The following RANBP17 variants were observed in gnomAD, a reference collection of about 807,000 sequenced individuals.
The protein encoded by RANBP17 is ran-binding protein 17.
Under a neutral mutation model 141.2 loss-of-function variants are expected in RANBP17, and 158 were observed. That is an observed-to-expected ratio of 1.12 (90% CI 0.98 to 1.28). The LOEUF (loss-of-function observed/expected upper bound fraction) is 1.28. RANBP17 is among the 50% of genes most tolerant of loss of function. RANBP17 has a pLI of 0.00. For missense variants in RANBP17, 1,438 were observed against 1,290.7 expected, an observed-to-expected ratio of 1.11 and a Z score of -1.75; for synonymous variants, 430 against 450.0, an observed-to-expected ratio of 0.96 and a Z score of 0.56.
chr5:171,138,581 T>G (rs1757475278), intron 14 of RANBP17, among the ~76,000 whole-genome samples: 1 of 150,154 alleles, frequency 6.7e-6, no homozygotes, highest in Admixed American at 6.6e-5. Context: ...TCCTTCATAG[T>G]GCAGGCTTAG....
chr5:171,137,660 A>C (rs926590175), intron 14 of RANBP17, among the ~76,000 whole-genome samples: 2 of 150,792 alleles, frequency 1.3e-5, no homozygotes, highest in Non-Finnish European at 3.0e-5. Flanking sequence ...TTGATAAACT[A>C]TAAAATAATC....
At chr5:171,253,067 A>G (rs1487914639) in intron 24 of RANBP17, 12 of 847,602 alleles carry the variant, frequency 1.4e-5, no homozygotes, top group Non-Finnish European at 2.0e-5. Flanking sequence ...CTGATTTTTC[A>G]AGAAAAGAGA....
intron 14 of RANBP17, among the ~76,000 whole-genome samples, chr5:171,095,153 T>C (rs1422385263): frequency 6.6e-6 from 1 of 152,230 alleles, no homozygotes. Context: ...TATTCTGTTA[T>C]AGCAACAGAA....
intron 27 of RANBP17, 101 bp from the exon 28 acceptor site, chr5:171,298,661 G>A (rs575361268): frequency 4.0e-6 from 3 of 756,232 alleles, no homozygotes; most frequent in Middle Eastern, 4.8e-4. Context: ...TCCAGGAGGG[G>A]GCTCCCCAAA....
At position 170,968,949 on chromosome 5, in the gene RANBP17, A is replaced by G. The variant is rs528242750; in HGVS notation, c.1710+572A>G. 2.6e-5 allele frequency among the ~76,000 whole-genome samples: 4 copies of G among 152,010 alleles called. No homozygotes were observed. The South Asian group carries it at 8.3e-4, about 32-fold the overall frequency. ...AAGGGCATTTATGTGAAACCTAAGCAGATATTTAGTAGCATTAGATACTGA... is the reference window on the plus strand; with the variant it reads ...AAGGGCATTTATGTGAAACCTAAGCGGATATTTAGTAGCATTAGATACTGA... On this transcript the variant is annotated intron_variant, in intron 14 of 27. Transcript: ENST00000523189.
chr5:170,959,267 T>A (rs546771482), intron 13 of RANBP17, among the ~76,000 whole-genome samples: 1 of 152,308 alleles, frequency 6.6e-6, no homozygotes, highest in South Asian at 2.1e-4. Flanking sequence ...ATAAATAACT[T>A]CAGCTGCTTT....
In RANBP17 at chr5:171,015,340, T is replaced by C. The variant is rs560563129; in HGVS notation, c.1710+46963T>C. ...AACAGCTTGCTGATGTCTTTGTTTC[T>C]GTATGTACTTTACTTTGGATAATTT... On this transcript the variant is annotated intron_variant, in intron 14 of 27. Coordinates refer to ENST00000523189, the MANE Select transcript of RANBP17 (RefSeq NM_022897.5). 5.9e-5 allele frequency among the ~76,000 whole-genome samples: 9 copies of C among 152,262 alleles called. No individual in the cohort carries two copies. The South Asian group carries it at 8.3e-4, about 14-fold the overall frequency.
chr5:170,971,529 C>T (rs74836214), intron 14 of RANBP17, among the ~76,000 whole-genome samples: 4,039 of 152,244 alleles, frequency 0.027, 174 homozygotes, highest in African/African-American at 0.091. Context: ...TGGTATATTG[C>T]CTCCTTTTTA....
At chr5:171,228,402 G>A (rs1764004899) in intron 22 of RANBP17, among the ~76,000 whole-genome samples, 1 of 152,326 alleles carries the variant, frequency 6.6e-6, no homozygotes, top group African/African-American at 2.4e-5. Flanking sequence ...AGATGTGACT[G>A]AACTGCTGCA....
intron 1 of RANBP17, among the ~76,000 whole-genome samples, chr5:170,867,529 GA>G (rs1183223898): frequency 2.0e-5 from 3 of 151,978 alleles, no homozygotes; most frequent in African/African-American, 7.2e-5. Flanking sequence ...GTAAGAGGAA[GA>G]AAAAAAGAGT....
chr5:170,912,798 CAGAT>C lies in RANBP17; in HGVS notation c.761-1366_761-1363del, dbSNP rs540559214. ...ATGGAGAAAGAAGGAAATTTGCAAACAGATAGTACCCCAAAATGTTCTGAGTTCT... is the reference window on the plus strand; with the variant it reads ...ATGGAGAAAGAAGGAAATTTGCAAACAGTACCCCAAAATGTTCTGAGTTCT... On this transcript the variant is annotated intron_variant, in intron 7 of 27. Transcript: ENST00000523189. 4.1e-3 allele frequency among the ~76,000 whole-genome samples: 627 copies of C among 151,846 alleles called. 4 individuals are homozygous for C. The highest frequency in any genetic ancestry group is 0.014 in the African/African-American group (585 of 41,472).
chr5:171,070,116 T>C (rs1256245682), intron 14 of RANBP17, among the ~76,000 whole-genome samples: 2 of 152,140 alleles, frequency 1.3e-5, no homozygotes, highest in Non-Finnish European at 2.9e-5. Context: ...ATCTAACCTT[T>C]CTATAGGTCA....
intron 14 of RANBP17, among the ~76,000 whole-genome samples, chr5:171,006,997 T>C (rs1779675659): frequency 6.6e-6 from 1 of 152,164 alleles, no homozygotes; most frequent in African/African-American, 2.4e-5. Flanking sequence ...GGGGATCTTC[T>C]CGGGGAACTG....
At chr5:170,940,927 TTGC>T (rs1479010919) in intron 12 of RANBP17, among the ~76,000 whole-genome samples, 1 of 151,664 alleles carries the variant, frequency 6.6e-6, no homozygotes. Context: ...GTAGTTTTAA[TTGC>T]TGATTGGTTA....
At chr5:171,130,556 C>T (rs1756838429) in intron 14 of RANBP17, among the ~76,000 whole-genome samples, 1 of 150,906 alleles carries the variant, frequency 6.6e-6, no homozygotes, top group Non-Finnish European at 1.5e-5. Context: ...CCTGCCTCAG[C>T]CTCCCAAGTA....
chr5:170,897,033 A>T (rs567719000), intron 5 of RANBP17: 57 of 985,042 alleles, frequency 5.8e-5, no homozygotes, highest in Non-Finnish European at 7.5e-5. Flanking sequence ...GCCAGAAAGG[A>T]ATCTATTATG....
chr5:171,253,056 A>G, intron 24 of RANBP17: 1 of 920,488 alleles, frequency 1.1e-6, no homozygotes, highest in Non-Finnish European at 1.7e-6. Flanking sequence ...AGGATCAAGC[A>G]CTGATTTTTC....
At chr5:171,194,035 CAGTTATCATATCAT>C (rs1216940130) in intron 18 of RANBP17, among the ~76,000 whole-genome samples, 2 of 152,148 alleles carry the variant, frequency 1.3e-5, no homozygotes, top group African/African-American at 4.8e-5. Context: ...CCATCATTTA[CAGTTATCATATCAT>C]TTCTATTACT....
At chr5:170,862,588 G>C (rs1268909749) in intron 1 of RANBP17, among the ~76,000 whole-genome samples, 1 of 152,152 alleles carries the variant, frequency 6.6e-6, no homozygotes, top group Non-Finnish European at 1.5e-5. Context: ...GGCCAGAGGA[G>C]ACAGGGGCTG....
Sources: allele counts gnomAD v4.1 joint callset (sites outside exome capture counted in the v4.1 genomes callset), GRCh38; gene constraint gnomAD v4.1.1; transcripts MANE v1.5; gene names NCBI Gene and HGNC (gene_info 2026-07-23, HGNC 2026-07-21).